The following CMTM4 variants were observed in gnomAD, a reference collection of about 807,000 sequenced individuals.
CMTM4 encodes CKLF-like MARVEL transmembrane domain-containing protein 4.
CMTM4 carries 8 observed loss-of-function variants against 19.0 expected under a neutral mutation model. That is an observed-to-expected ratio of 0.42 (90% CI 0.25 to 0.76). The LOEUF (loss-of-function observed/expected upper bound fraction) is 0.76. CMTM4 is among the 30% of genes least tolerant of loss of function. The pLI is 0.27. For synonymous variants in CMTM4, 106 were observed against 121.1 expected, an observed-to-expected ratio of 0.88 and a Z score of 0.82; for missense variants, 228 against 290.2, an observed-to-expected ratio of 0.79 and a Z score of 1.56.
In CMTM4 at chr16:66,636,426, G is replaced by A; in HGVS notation, c.342C>T (p.Pro114=). ...MFSLNLHMRI[P]QINWNLTDLV... ...TCACTGTCAGATTCCAGTTGATCTG[G>A]GGGATCCTCATGTGCAGGTTGAGAC... The change falls in exon 2 of 4, where the codon CCC becomes CCT. Residue 114 remains proline, a synonymous_variant. Transcript: ENST00000394106. The A allele has an allele frequency of 6.2e-7, 1 of 1,614,094 alleles. No individual in the cohort carries two copies. The highest frequency in any genetic ancestry group is 1.1e-5 in the South Asian group (1 of 91,068).
chr16:66,691,738 C>T (rs958491056), intron 1 of CMTM4, among the ~76,000 whole-genome samples: 10 of 152,180 alleles, frequency 6.6e-5, no homozygotes, highest in Middle Eastern at 3.4e-3. Flanking sequence ...GCAACTGCAC[C>T]GTTTAATTTT....
chr16:66,695,162 C>T (rs1426591446), intron 1 of CMTM4, among the ~76,000 whole-genome samples: 1 of 152,156 alleles, frequency 6.6e-6, no homozygotes, highest in Non-Finnish European at 1.5e-5. Context: ...GTCTGGGCAA[C>T]ATGGTGAAAC....
chr16:66,621,822 G>A lies in CMTM4; in HGVS notation c.*236C>T, dbSNP rs2015641173. On this transcript the variant is annotated 3_prime_UTR_variant, in exon 4 of 4. Transcript: ENST00000394106. Reference sequence around the variant, plus strand: ...CTTCAGGGCAGGTAAGACCTCAAGTGGACCTGGGCAGTGACGCCGGCTGCT... The same window carrying A: ...CTTCAGGGCAGGTAAGACCTCAAGTAGACCTGGGCAGTGACGCCGGCTGCT... 20 of 1,363,358 alleles carry A rather than the reference G, an allele frequency of 1.5e-5. No homozygotes were observed. Among genetic ancestry groups the A allele is most frequent in the Non-Finnish European group, 1.9e-5 (20 of 1,056,380 alleles). The allele number at this position is 1,363,358 out of a possible 1,614,324, so 84.5% of individuals were successfully genotyped here.
At chr16:66,676,174 T>A (rs2016807217) in intron 1 of CMTM4, among the ~76,000 whole-genome samples, 1 of 152,210 alleles carries the variant, frequency 6.6e-6, no homozygotes, top group East Asian at 1.9e-4. Context: ...GGGCTCTCAG[T>A]CAATTAATTG....
At chr16:66,652,978 G>A (rs1164791597) in intron 1 of CMTM4, among the ~76,000 whole-genome samples, 2 of 151,922 alleles carry the variant, frequency 1.3e-5, no homozygotes, top group Non-Finnish European at 2.9e-5. Flanking sequence ...GAAACAAGCT[G>A]CCCTTAAAGC....
chr16:66,636,549 C>T lies in CMTM4; in HGVS notation c.219G>A (p.Glu73=), dbSNP rs1286247712. 1 of 1,614,170 alleles carries T rather than the reference C, an allele frequency of 6.2e-7. No homozygotes were observed. Among genetic ancestry groups the T allele is most frequent in the East Asian group, 2.2e-5 (1 of 44,892 alleles). ...ILALIAFICI[E]TIMACSPCEG... ...CACACGGGGAGCATGCCATGATGGT[C>T]TCTATGCAGATGAATGCAATCAGGG... The change falls in exon 2 of 4, where the codon GAG becomes GAA. Residue 73 remains glutamate, a synonymous_variant. Coordinates refer to ENST00000394106, the MANE Select transcript of CMTM4 (RefSeq NM_181521.3).
At chr16:66,646,302 A>G (rs2016195590) in intron 1 of CMTM4, among the ~76,000 whole-genome samples, 1 of 152,132 alleles carries the variant, frequency 6.6e-6, no homozygotes, top group Non-Finnish European at 1.5e-5. Context: ...CAGAGATTTT[A>G]CCTTTTTTAA....
downstream of CMTM4, chr16:66,610,706 A>G (rs2015344872): frequency 7.5e-6 from 3 of 397,702 alleles, no homozygotes; most frequent in East Asian, 1.1e-4. The surrounding 1 kb of genome is among the most constrained non-coding windows in gnomAD (Gnocchi z 4.6). Flanking sequence ...GACCAGGCGG[A>G]TGTGCCCCTG....
chr16:66,603,859 G>A, the CMTM4 span: 1 of 152,324 alleles, frequency 6.6e-6, no homozygotes, highest in Non-Finnish European at 1.5e-5. Flanking sequence ...GTGAAAGTGG[G>A]AGGACCTTGG....
At chr16:66,604,140 CGTGT>C in the CMTM4 span, 1 of 148,358 alleles carries the variant, frequency 6.7e-6, no homozygotes, top group Non-Finnish European at 1.5e-5. Context: ...CGCGCGCGCG[CGTGT>C]GTGTGTGTCT....
intron 1 of CMTM4, among the ~76,000 whole-genome samples, chr16:66,658,445 G>A (rs1482510939): frequency 6.6e-6 from 1 of 152,074 alleles, no homozygotes; most frequent in South Asian, 2.1e-4. Flanking sequence ...CATTCGAGTC[G>A]CACTTCCTCC....
chr16:66,656,309 G>A (rs764048064), intron 1 of CMTM4, among the ~76,000 whole-genome samples: 4 of 152,110 alleles, frequency 2.6e-5, no homozygotes, highest in Non-Finnish European at 5.9e-5. Context: ...TCTTGATTCA[G>A]GCAAGAGTCA....
the CMTM4 span, among the ~76,000 whole-genome samples, chr16:66,602,211 A>G: frequency 6.6e-6 from 1 of 152,238 alleles, no homozygotes; most frequent in Admixed American, 6.5e-5. Context: ...AGCCTGGCCA[A>G]CATGGCAAAA....
downstream of CMTM4, among the ~76,000 whole-genome samples, chr16:66,610,619 A>G (rs542742155): frequency 2.0e-5 from 3 of 152,204 alleles, no homozygotes; most frequent in South Asian, 6.2e-4. This position sits in a 1 kb window ranked among gnomAD's most constrained non-coding sequence, Gnocchi z 4.6. Context: ...GTGCAGGCAG[A>G]AGAGACCAGG....
chr16:66,679,884 C>T (rs1257690443), intron 1 of CMTM4, among the ~76,000 whole-genome samples: 1 of 151,558 alleles, frequency 6.6e-6, no homozygotes, highest in Non-Finnish European at 1.5e-5. Context: ...GCTCACAATC[C>T]GCCTAATGGT....
chr16:66,693,206 A>G (rs1401883823), intron 1 of CMTM4, among the ~76,000 whole-genome samples: 1 of 152,058 alleles, frequency 6.6e-6, no homozygotes, highest in Non-Finnish European at 1.5e-5. Context: ...CCTGGGCATC[A>G]AGAACAAAAG....
At chr16:66,687,454 C>T (rs1056697652) in intron 1 of CMTM4, among the ~76,000 whole-genome samples, 10 of 151,908 alleles carry the variant, frequency 6.6e-5, no homozygotes, top group African/African-American at 2.4e-4. Flanking sequence ...TCGCTTGAGC[C>T]CAGGAGTTTG....
intron 1 of CMTM4, among the ~76,000 whole-genome samples, chr16:66,643,914 C>T (rs1461564834): frequency 6.6e-6 from 1 of 152,104 alleles, no homozygotes; most frequent in Admixed American, 6.6e-5. Context: ...CCACCACACC[C>T]AGCTAGTTTT....
chr16:66,649,481 T>A (rs183935737), intron 1 of CMTM4, among the ~76,000 whole-genome samples: 1 of 151,412 alleles, frequency 6.6e-6, no homozygotes, highest in African/African-American at 2.4e-5. Flanking sequence ...TATCTATCTA[T>A]CTATCTATCT....
Sources: gnomAD v4.1 joint callset for allele counts (sites outside exome capture counted in the v4.1 genomes callset) on GRCh38, gnomAD v4.1.1 for gene constraint, Gnocchi (gnomAD v3.1) non-coding constraint, MANE v1.5 for transcripts, NCBI Gene and HGNC (gene_info 2026-07-23, HGNC 2026-07-21) for gene names.